ALDH1A1: variants seen among roughly 807,000 people sequenced by gnomAD.
ALDH1A1 encodes the protein aldehyde dehydrogenase 1 family member A1.
Under a neutral mutation model 62.1 loss-of-function variants are expected in ALDH1A1, and 19 were observed. That is an observed-to-expected ratio of 0.31 (90% CI 0.21 to 0.45). The LOEUF is 0.45. ALDH1A1 is among the 20% of genes least tolerant of loss of function. ALDH1A1 has a pLI of 1.00. For missense variants in ALDH1A1, 521 were observed against 607.1 expected (o/e 0.86, Z 1.49); for synonymous variants, 231 against 215.9 (o/e 1.07, Z -0.61).
At chr9:72,911,329 A>G (rs1220869271) in intron 10 of ALDH1A1, among the ~76,000 whole-genome samples, 1 of 152,206 alleles carries the variant, frequency 6.6e-6, no homozygotes, top group Non-Finnish European at 1.5e-5. Context: ...AGGTGGAACC[A>G]GAAAGTAGAA....
intron 7 of ALDH1A1, among the ~76,000 whole-genome samples, chr9:72,922,150 G>A (rs1051224993): frequency 3.3e-5 from 5 of 152,122 alleles, no homozygotes; most frequent in African/African-American, 1.2e-4. Context: ...AATATGGCAT[G>A]TACTGAGCGC....
intron 12 of ALDH1A1, among the ~76,000 whole-genome samples, chr9:72,902,968 A>C (rs1829826412): frequency 6.9e-6 from 1 of 145,270 alleles, no homozygotes; most frequent in Non-Finnish European, 1.5e-5. Flanking sequence ...CCACACTGTA[A>C]AAAAAAAAAA....
At chr9:72,928,752 G>T in intron 4 of ALDH1A1, 140 bp downstream of exon 4, 1 of 927,322 alleles carries the variant, frequency 1.1e-6, no homozygotes, top group Non-Finnish European at 1.5e-6. Flanking sequence ...GTTGAAAACT[G>T]TGTTGTCTCA....
rs750672510 is a variant in ALDH1A1, at chr9:72,912,082, T to C, written c.1076A>G (p.Glu359Gly). 50 of 1,613,670 alleles carry C rather than the reference T, an allele frequency of 3.1e-5. No homozygotes were observed. The highest frequency in any genetic ancestry group is 4.2e-5 in the Non-Finnish European group (49 of 1,179,764). Residue 359 changes from glutamate to glycine, a missense_variant, in exon 10 of 13, where the codon GAG (glutamate) becomes GGG (glycine). Physicochemically the swap from Glu to Gly is moderately conservative, Grantham distance 98 (BLOSUM62 -2). Coordinates refer to ENST00000297785, the MANE Select transcript of ALDH1A1 (RefSeq NM_000689.5). ...TTTGGCCCCTTCTTTCTTCCCACTC[T>C]CAATGAGGTCAAGTATTTTATCATA... The part of the protein sequence containing the change: ...EQYDKILDLI[E>G]SGKKEGAKLE...
chr9:72,949,839 T>TAA (rs11459106), intron 1 of ALDH1A1, among the ~76,000 whole-genome samples: 56 of 139,216 alleles, frequency 4.0e-4, no homozygotes, highest in Middle Eastern at 3.6e-3. Context: ...TTCCCTTTTA[T>TAA]AAAAAAAAAA....
At chr9:72,926,342 T>A (rs1830208063) in intron 5 of ALDH1A1, among the ~76,000 whole-genome samples, 1 of 152,216 alleles carries the variant, frequency 6.6e-6, no homozygotes. Context: ...TAATAAGCAA[T>A]TTCACTAAAA....
chr9:72,942,580 T>C (rs1310030334), intron 1 of ALDH1A1, among the ~76,000 whole-genome samples: 1 of 152,164 alleles, frequency 6.6e-6, no homozygotes, highest in African/African-American at 2.4e-5. Context: ...CTCCTCAGAA[T>C]ACTTTAGTGA....
chr9:72,924,092 T>G lies in ALDH1A1; in HGVS notation c.674A>C (p.Tyr225Ser). 6.2e-7 allele frequency: 1 copy of G among 1,613,124 alleles called. No individual in the cohort carries two copies. Among genetic ancestry groups the G allele is most frequent in the Non-Finnish European group, 8.5e-7 (1 of 1,179,460 alleles). Residue 225 changes from tyrosine (Y) to serine (S), a missense_variant, in exon 7 of 13, where the codon TAT (tyrosine) becomes TCT (serine). Coordinates refer to ENST00000297785, the MANE Select transcript of ALDH1A1 (RefSeq NM_000689.5). The stretch of plus-strand genomic sequence containing the variant: ...AATGGCTGCCCCTGCTGTAGGCCCA[T>G]AACCAGGAACAATATTCACTACTCC... ...PPGVVNIVPGYGPTAGAAISS... is the reference protein window; with the variant it reads ...PPGVVNIVPGSGPTAGAAISS...
chr9:72,903,659 C>T (rs1341805034), intron 12 of ALDH1A1, among the ~76,000 whole-genome samples: 1 of 149,266 alleles, frequency 6.7e-6, no homozygotes, highest in Non-Finnish European at 1.5e-5. Flanking sequence ...AAGAAATTAT[C>T]TATACTCATG....
intron 1 of ALDH1A1, among the ~76,000 whole-genome samples, chr9:72,951,174 G>C (rs1019664237): frequency 4.0e-5 from 6 of 151,826 alleles, no homozygotes; most frequent in Non-Finnish European, 8.8e-5. Context: ...CCTTCTTTTG[G>C]ACACTTAGGT....
chr9:72,949,322 A>G (rs1830509992), intron 1 of ALDH1A1, among the ~76,000 whole-genome samples: 1 of 151,900 alleles, frequency 6.6e-6, no homozygotes. Flanking sequence ...CATGGTAATC[A>G]GCAATGGGCA....
At position 72,933,595 on chromosome 9, in the gene ALDH1A1, A is replaced by C. The variant is rs1269647246; in HGVS notation, c.172-2576T>G. ...GAGTAAGACCCTCATCTCAAAACAA[A>C]AAAAAAAAAAAAAAAAAAGAAAAAG... On this transcript the variant is annotated intron_variant, in intron 2 of 12. Transcript: ENST00000297785. 2.9e-3 allele frequency among the ~76,000 whole-genome samples: 6 copies of C among 2,056 alleles called. No homozygotes were observed. In the East Asian group the frequency reaches 0.29, roughly 98 times the overall value. 1.3% of individuals were successfully genotyped at this position (2,056 alleles called of 152,430 possible). A position where few individuals can be genotyped will look rare whatever the true frequency, so the allele number is the denominator to read the frequency against.
intron 7 of ALDH1A1, among the ~76,000 whole-genome samples, chr9:72,922,364 T>A (rs1199674527): frequency 2.0e-5 from 3 of 152,156 alleles, no homozygotes; most frequent in Non-Finnish European, 2.9e-5. Context: ...TCTCCAGGGA[T>A]TTTTTTAAGT....
intron 1 of ALDH1A1, among the ~76,000 whole-genome samples, chr9:72,944,956 A>C (rs1419703349): frequency 6.6e-6 from 1 of 152,086 alleles, no homozygotes; most frequent in Non-Finnish European, 1.5e-5. Flanking sequence ...GCAACTTAGA[A>C]ATGGATTTTT....
rs767279871 is a variant in ALDH1A1, at chr9:72,940,200, AC to A, written c.118del (p.Val40SerfsTer13). On this transcript the variant is annotated frameshift_variant, in exon 2 of 13. Coordinates refer to ENST00000297785, the MANE Select transcript of ALDH1A1 (RefSeq NM_000689.5). LOFTEE classifies it high-confidence loss of function. Reference sequence around the variant, plus strand: ...CTCCTCCTCAGTTGCAGGATTAAAGACAGGAAATTTCTTGCCACTCACTGAA... The same window carrying A: ...CTCCTCCTCAGTTGCAGGATTAAAGAAGGAAATTTCTTGCCACTCACTGAA... ...HDSVSGKKFP[V>X]FNPATEEELC... 6.2e-7 allele frequency: 1 copy of A among 1,613,864 alleles called. No individual in the cohort carries two copies. The highest frequency in any genetic ancestry group is 8.5e-7 in the Non-Finnish European group (1 of 1,179,846).
At chr9:72,931,816 G>A (rs1830285118) in intron 2 of ALDH1A1, among the ~76,000 whole-genome samples, 1 of 152,134 alleles carries the variant, frequency 6.6e-6, no homozygotes, top group Non-Finnish European at 1.5e-5. Flanking sequence ...ATCCGATAAA[G>A]AAGTCAGTTT....
chr9:72,925,399 C>A, intron 6 of ALDH1A1, 85 bp downstream of exon 6: 1 of 1,500,284 alleles, frequency 6.7e-7, no homozygotes, highest in Non-Finnish European at 9.1e-7. Context: ...AAATAATGTA[C>A]TTTATAGTAG....
At chr9:72,939,382 A>G (rs966566036) in intron 2 of ALDH1A1, among the ~76,000 whole-genome samples, 1 of 152,172 alleles carries the variant, frequency 6.6e-6, no homozygotes, top group Non-Finnish European at 1.5e-5. Context: ...AAGTTATTCT[A>G]TAATATAATT....
At chr9:72,936,880 G>C (rs937196787) in intron 2 of ALDH1A1, among the ~76,000 whole-genome samples, 6 of 152,056 alleles carry the variant, frequency 3.9e-5, no homozygotes, top group Non-Finnish European at 8.8e-5. Context: ...ACTTTAGTTC[G>C]GTGGTTCAAG....
Sources: gnomAD v4.1 joint callset for allele counts (sites outside exome capture counted in the v4.1 genomes callset) on GRCh38, gnomAD v4.1.1 for gene constraint, MANE v1.5 for transcripts, NCBI Gene and HGNC (gene_info 2026-07-23, HGNC 2026-07-21) for gene names.